Variants in FARP1 observed in about 807,000 individuals in gnomAD.
The protein encoded by FARP1 is FERM, ARH/RhoGEF and pleckstrin domain protein 1, also known as FERM, ARHGEF and pleckstrin domain-containing protein 1.
In FARP1, 52 loss-of-function variants were observed where a neutral mutation model predicts 128.8. The observed-to-expected ratio is 0.40, with a 90% confidence interval of 0.32 to 0.51. The LOEUF is 0.51. Ranked by LOEUF, FARP1 falls within the 20% of genes least tolerant of loss-of-function variation. FARP1 has a pLI of 0.45. For synonymous variants in FARP1, 580 were observed against 551.8 expected, an observed-to-expected ratio of 1.05 and a Z score of -0.72; for missense variants, 1,333 against 1,367.9, an observed-to-expected ratio of 0.97 and a Z score of 0.40.
intron 16 of FARP1, among the ~76,000 whole-genome samples, chr13:98,419,429 G>A (rs182734028): frequency 6.6e-6 from 1 of 151,118 alleles, no homozygotes; most frequent in Admixed American, 6.6e-5. Flanking sequence ...AGCCAAGATT[G>A]CACCACTGCA....
At chr13:98,304,610 G>A (rs79996475) in intron 2 of FARP1, among the ~76,000 whole-genome samples, 2,654 of 152,276 alleles carry the variant, frequency 0.017, 84 homozygotes, top group African/African-American at 0.06. Context: ...CAGCCAAGGC[G>A]GTGACACGAG....
chr13:98,330,793 T>G (rs1009097742), intron 2 of FARP1, among the ~76,000 whole-genome samples: 9 of 151,872 alleles, frequency 5.9e-5, no homozygotes, highest in Non-Finnish European at 1.5e-5. Flanking sequence ...AGGTAAAGAA[T>G]GTCATTAAGC....
intron 2 of FARP1, among the ~76,000 whole-genome samples, chr13:98,287,791 C>T (rs540377812): frequency 7.0e-6 from 1 of 143,434 alleles, no homozygotes; most frequent in East Asian, 2.2e-4. Flanking sequence ...TGCCATGTCC[C>T]AGGCACTTCT....
At chr13:98,307,394 G>A (rs1174097028) in intron 2 of FARP1, among the ~76,000 whole-genome samples, 5 of 152,110 alleles carry the variant, frequency 3.3e-5, no homozygotes, top group Non-Finnish European at 7.4e-5. Flanking sequence ...CCTGAAACGC[G>A]TCCCTTGCCC....
intron 6 of FARP1, among the ~76,000 whole-genome samples, chr13:98,383,404 A>G (rs1476263278): frequency 2.6e-5 from 4 of 152,152 alleles, no homozygotes; most frequent in African/African-American, 9.7e-5. Context: ...CGAGGGAGGG[A>G]GGGGTTCTTC....
intron 2 of FARP1, among the ~76,000 whole-genome samples, chr13:98,282,404 C>T (rs940173111): frequency 6.6e-6 from 1 of 152,154 alleles, no homozygotes; most frequent in African/African-American, 2.4e-5. Context: ...GCAAAGTGAG[C>T]TGTGAGAATT....
intron 2 of FARP1, among the ~76,000 whole-genome samples, chr13:98,306,255 C>T (rs1886150186): frequency 6.6e-6 from 1 of 152,176 alleles, no homozygotes; most frequent in Non-Finnish European, 1.5e-5. Context: ...ATCAACCATG[C>T]CAAGCTTAAA....
Position 98,226,708 on chromosome 13 carries a change from T to G in FARP1, c.171+13295T>G, listed in dbSNP as rs149158785. Among the ~76,000 whole-genome samples, 23 of 152,290 alleles carry G rather than the reference T, an allele frequency of 1.5e-4. No individual in the cohort carries two copies. In the East Asian group the frequency reaches 3.5e-3, roughly 23 times the overall value. On this transcript the variant is annotated intron_variant, in intron 2 of 26. Transcript: ENST00000319562. Reference sequence around the variant, plus strand: ...GAGACCAGAACTCTTAAATCACATGTATGTGTACTTGGAATTAGAACTGAA... The same window carrying G: ...GAGACCAGAACTCTTAAATCACATGGATGTGTACTTGGAATTAGAACTGAA...
chr13:98,339,210 A>G (rs1887863441), intron 2 of FARP1, among the ~76,000 whole-genome samples: 1 of 152,244 alleles, frequency 6.6e-6, no homozygotes, highest in Non-Finnish European at 1.5e-5. Context: ...ATAGTTCCAC[A>G]GCCTCTTCAG....
At chr13:98,411,087 C>CT (rs1221713599) in intron 15 of FARP1, among the ~76,000 whole-genome samples, 1 of 152,194 alleles carries the variant, frequency 6.6e-6, no homozygotes, top group Non-Finnish European at 1.5e-5. Context: ...ATTTTACCAT[C>CT]TGTGTGCACC....
At chr13:98,250,504 C>T (rs963415970) in intron 2 of FARP1, among the ~76,000 whole-genome samples, 4 of 152,008 alleles carry the variant, frequency 2.6e-5, no homozygotes, top group Non-Finnish European at 4.4e-5. Context: ...GGGTGGATCA[C>T]GAGGTCAAGA....
At position 98,449,809 on chromosome 13, in the gene FARP1, G is replaced by A. The variant is rs202226302; in HGVS notation, c.*1492G>A. ...AGTCTTCATTTTCTGTGTGGGGGGG[G>A]AGGGGGGAAGGGGACACTCCAGCAA... is the stretch of plus-strand genomic sequence containing the variant. On this transcript the variant is annotated 3_prime_UTR_variant, in exon 27 of 27. Transcript: ENST00000319562. 6.7e-6 allele frequency: 1 copy of A among 149,936 alleles called. No homozygotes were observed. 9.3% of individuals were successfully genotyped at this position (149,936 alleles called of 1,614,324 possible).
intron 16 of FARP1, among the ~76,000 whole-genome samples, chr13:98,416,021 A>G (rs558539783): frequency 6.6e-6 from 1 of 152,396 alleles, no homozygotes; most frequent in African/African-American, 2.4e-5. Flanking sequence ...CGCTGCGCAG[A>G]GAAAGCGGGG....
In FARP1 at chr13:98,275,392, T is replaced by G. The variant is rs560414732; in HGVS notation, c.171+61979T>G. Among the ~76,000 whole-genome samples the G allele has an allele frequency of 3.6e-5, 4 of 111,334 alleles. No individual in the cohort carries two copies. In the East Asian group the frequency reaches 9.7e-4, roughly 27 times the overall value. 73.0% of individuals were successfully genotyped at this position (111,334 alleles called of 152,430 possible). A position where few individuals can be genotyped will look rare whatever the true frequency, so the allele number is the denominator to read the frequency against. ...TAATATTTATATATTTTTATATATA[T>G]TCATATATATATATGTAGGTGAAAC... is the stretch of plus-strand genomic sequence containing the variant. On this transcript the variant is annotated intron_variant, in intron 2 of 26. Transcript: ENST00000319562.
intron 3 of FARP1, 44 bp from the exon 4 acceptor site, chr13:98,365,351 T>C (rs766313675): frequency 6.8e-6 from 10 of 1,468,916 alleles, no homozygotes; most frequent in Admixed American, 1.8e-5. Context: ...TTGCACTCTT[T>C]CATTGAGAAC....
At chr13:98,375,759 G>C (rs1344593309) in intron 5 of FARP1, among the ~76,000 whole-genome samples, 2 of 152,098 alleles carry the variant, frequency 1.3e-5, no homozygotes, top group Non-Finnish European at 2.9e-5. Flanking sequence ...CTCCCGAGTA[G>C]CTGGGATTAC....
rs570681191 is a variant in FARP1 at position 98,372,003 on chromosome 13, AAGG to A, written c.398+3811_398+3813del. On this transcript the variant is annotated intron_variant, in intron 5 of 26. Coordinates refer to ENST00000319562, the MANE Select transcript of FARP1 (RefSeq NM_005766.4). ...TTGACAGCAGCACCCAGACACCTAG[AAGG>A]AGAAGCGTATTGACTCCTGGGTGCA... Among the ~76,000 whole-genome samples, 868 of 151,920 alleles carry A rather than the reference AAGG, an allele frequency of 5.7e-3. 7 individuals are homozygous for A. Among genetic ancestry groups the A allele is most frequent in the African/African-American group, 0.02 (824 of 41,388 alleles).
At chr13:98,171,345 C>A (rs1024740268) in intron 1 of FARP1, among the ~76,000 whole-genome samples, 2 of 152,190 alleles carry the variant, frequency 1.3e-5, no homozygotes, top group African/African-American at 2.4e-5. Flanking sequence ...TAGTGACTTA[C>A]ACCCTCTTGT....
chr13:98,245,364 G>C (rs1882998859), intron 2 of FARP1: 1 of 985,040 alleles, frequency 1.0e-6, no homozygotes, highest in Admixed American at 6.1e-5. Flanking sequence ...TGTGAGAACA[G>C]TTGATTTTAA....
Sources: gnomAD v4.1 joint callset for allele counts (sites outside exome capture counted in the v4.1 genomes callset) on GRCh38, gnomAD v4.1.1 for gene constraint, MANE v1.5 for transcripts, NCBI Gene and HGNC (gene_info 2026-07-23, HGNC 2026-07-21) for gene names.